Variants in RBFOX1 observed in about 807,000 individuals in gnomAD.
RBFOX1 encodes the protein RNA binding protein fox-1 homolog 1.
Under a neutral mutation model 57.7 loss-of-function variants are expected in RBFOX1, and 8 were observed. The ratio of observed to expected loss-of-function variants is 0.14; its 90% confidence interval spans 0.08 to 0.25. RBFOX1 has a LOEUF of 0.25. RBFOX1 is among the 10% of genes least tolerant of loss of function. RBFOX1 has a pLI of 1.00. For synonymous variants in RBFOX1, 326 were observed against 222.4 expected (o/e 1.47, Z -4.15); for missense variants, 611 against 548.5 (o/e 1.11, Z -1.14).
At chr16:7,075,491 T>G (rs2153787058) in intron 4 of RBFOX1, among the ~76,000 whole-genome samples, 1 of 152,372 alleles carries the variant, frequency 6.6e-6, no homozygotes, top group East Asian at 1.9e-4. Flanking sequence ...CTAGATTTTT[T>G]TTGGCTTCTC....
At chr16:5,645,979 G>GC in intron 3 of RBFOX1, among the ~76,000 whole-genome samples, 1 of 152,192 alleles carries the variant, frequency 6.6e-6, no homozygotes, top group South Asian at 2.1e-4. Flanking sequence ...AGGACTATAG[G>GC]CAAGTACTAC....
intron 4 of RBFOX1, among the ~76,000 whole-genome samples, chr16:7,157,497 C>T (rs147694222): frequency 0.012 from 1,781 of 152,116 alleles, 38 homozygotes; most frequent in African/African-American, 0.04. Flanking sequence ...CTCTGGGATT[C>T]GTTGGGGGCC....
intron 3 of RBFOX1, among the ~76,000 whole-genome samples, chr16:5,790,605 T>C (rs1182985994): frequency 1.3e-5 from 2 of 151,954 alleles, no homozygotes; most frequent in Non-Finnish European, 1.5e-5. Flanking sequence ...GGTTTGATCC[T>C]GGGCCTACCA....
At chr16:6,222,158 A>G (rs184522322) in intron 1 of RBFOX1, among the ~76,000 whole-genome samples, 15 of 152,306 alleles carry the variant, frequency 9.8e-5, no homozygotes, top group African/African-American at 3.4e-4. Flanking sequence ...TCCAATGGAA[A>G]TGAATGTTTT....
intron 13 of RBFOX1, among the ~76,000 whole-genome samples, chr16:7,666,838 A>AT (rs2069480153): frequency 2.0e-5 from 3 of 152,102 alleles, no homozygotes; most frequent in African/African-American, 4.8e-5. Flanking sequence ...CCTTTAGGAG[A>AT]TTTTGTCTCT....
chr16:6,983,438 G>A (rs371583643), intron 3 of RBFOX1, among the ~76,000 whole-genome samples: 71 of 149,890 alleles, frequency 4.7e-4, no homozygotes, highest in African/African-American at 1.5e-3. Context: ...CTGGTCCGCC[G>A]ACTTGCTGGC....
At chr16:6,825,315 C>A (rs1305481830) in intron 3 of RBFOX1, among the ~76,000 whole-genome samples, 2 of 151,280 alleles carry the variant, frequency 1.3e-5, no homozygotes, top group Non-Finnish European at 2.9e-5. Flanking sequence ...TGCCCATGTT[C>A]CCCTGGGGAC....
intron 13 of RBFOX1, among the ~76,000 whole-genome samples, chr16:7,667,408 T>C (rs1382602410): frequency 6.6e-6 from 1 of 152,154 alleles, no homozygotes; most frequent in Non-Finnish European, 1.5e-5. Flanking sequence ...TATCATAATC[T>C]TGAATGTGCT....
intron 1 of RBFOX1, chr16:6,057,214 T>G (rs1346590640): frequency 6.6e-6 from 1 of 152,186 alleles, no homozygotes; most frequent in African/African-American, 2.4e-5. Context: ...ATATTTACAG[T>G]GCTTAAATAT....
chr16:6,691,455 T>G (rs1269931436), intron 3 of RBFOX1, among the ~76,000 whole-genome samples: 4 of 125,384 alleles, frequency 3.2e-5, no homozygotes, highest in Non-Finnish European at 7.5e-5. Context: ...TACCATCTAT[T>G]CCTTTTTCTT....
At chr16:7,106,949 C>G (rs11639687) in intron 4 of RBFOX1, among the ~76,000 whole-genome samples, 1 of 128,356 alleles carries the variant, frequency 7.8e-6, no homozygotes, top group Admixed American at 8.3e-5. Context: ...CCTAATCCTA[C>G]GAAGCTTGCA....
chr16:6,868,845 T>A (rs2143002862), intron 3 of RBFOX1, among the ~76,000 whole-genome samples: 1 of 152,304 alleles, frequency 6.6e-6, no homozygotes, highest in Admixed American at 6.5e-5. Flanking sequence ...TATGACTTAC[T>A]TTGACTAATG....
intron 3 of RBFOX1, among the ~76,000 whole-genome samples, chr16:6,795,898 TTA>T (rs2083907524): frequency 6.6e-6 from 1 of 152,202 alleles, no homozygotes; most frequent in African/African-American, 2.4e-5. Context: ...TTTTATGTTC[TTA>T]TGTTTTTATT....
At chr16:6,916,734 G>A (rs997760927) in intron 3 of RBFOX1, among the ~76,000 whole-genome samples, 6 of 152,126 alleles carry the variant, frequency 3.9e-5, no homozygotes, top group African/African-American at 1.4e-4. Context: ...GCATAAGCTC[G>A]GATTACTTCC....
chr16:5,660,628 T>G (rs1264664407), intron 3 of RBFOX1, among the ~76,000 whole-genome samples: 1 of 152,216 alleles, frequency 6.6e-6, no homozygotes, highest in Admixed American at 6.5e-5. Context: ...TTTTCACATT[T>G]CTTTCTCTGC....
intron 5 of RBFOX1, among the ~76,000 whole-genome samples, chr16:7,548,965 A>G (rs1419052380): frequency 6.6e-6 from 1 of 152,224 alleles, no homozygotes; most frequent in Non-Finnish European, 1.5e-5. Context: ...ACCATCCCAG[A>G]GCTCACATTC....
At chr16:6,074,743 C>A (rs1037145893) in intron 1 of RBFOX1, among the ~76,000 whole-genome samples, 2 of 152,140 alleles carry the variant, frequency 1.3e-5, no homozygotes, top group South Asian at 4.1e-4. Context: ...CTTGCTAACA[C>A]TGGACAATGC....
chr16:7,413,857 G>C (rs545725474), intron 4 of RBFOX1, among the ~76,000 whole-genome samples: 12 of 152,226 alleles, frequency 7.9e-5, no homozygotes, highest in African/African-American at 2.9e-4. Flanking sequence ...TGAGGTTGAT[G>C]AGACTCATCA....
intron 3 of RBFOX1, among the ~76,000 whole-genome samples, chr16:5,683,088 G>C (rs1431813048): frequency 6.7e-6 from 1 of 150,074 alleles, no homozygotes; most frequent in Non-Finnish European, 1.5e-5. Flanking sequence ...ACTGGACAAT[G>C]CTTTGTTTTT....
Sources: allele counts gnomAD v4.1 joint callset (sites outside exome capture counted in the v4.1 genomes callset), GRCh38; gene constraint gnomAD v4.1.1; transcripts MANE v1.5; gene names NCBI Gene and HGNC (gene_info 2026-07-23, HGNC 2026-07-21).